Variants in SOS2 observed in about 807,000 individuals in gnomAD.
SOS2 encodes son of sevenless homolog 2.
SOS2 carries 65 observed loss-of-function variants against 148.2 expected under a neutral mutation model. The ratio of observed to expected loss-of-function variants is 0.44; its 90% CI spans 0.36 to 0.54. The LOEUF is 0.54. Among genes scored for constraint, SOS2 ranks in the 20% least tolerant of loss-of-function variants. The probability of loss-of-function intolerance (pLI) is 0.00; values close to 1 mark genes in which losing one functional copy is unlikely to be tolerated. For synonymous variants in SOS2, 539 were observed against 537.1 expected (o/e 1.00, Z -0.05); for missense variants, 1,341 against 1,590.2 (o/e 0.84, Z 2.67).
At chr14:50,201,207 T>C in intron 2 of SOS2, 123 bp from the exon 3 acceptor site, 3 of 892,394 alleles carry the variant, frequency 3.4e-6, no homozygotes, top group Non-Finnish European at 1.7e-6. Context: ...CAATACATTC[T>C]GATTCCTGTA....
intron 20 of SOS2, among the ~76,000 whole-genome samples, chr14:50,130,284 C>T (rs1883824572): frequency 1.3e-5 from 2 of 152,086 alleles, no homozygotes; most frequent in African/African-American, 4.8e-5. Flanking sequence ...AGGTACTAAA[C>T]AAATCTTTGT....
chr14:50,159,603 T>A lies in SOS2; in HGVS notation c.1680A>T (p.Glu560Asp). The A allele has an allele frequency of 6.2e-7, 1 of 1,613,946 alleles. No homozygotes were observed. Among genetic ancestry groups the A allele is most frequent in the South Asian group, 1.1e-5 (1 of 91,070 alleles). Reference sequence around the variant, plus strand: ...TTGGTAATCTCAGTGGTTGCTCATTTTCTTCTTTCAATAATACTGAATCTA... The same window carrying A: ...TTGGTAATCTCAGTGGTTGCTCATTATCTTCTTTCAATAATACTGAATCTA... ...RMLDSVLLKE[E>D]NEQPLRLPSP... Residue 560 changes from glutamate (E) to aspartate (D), a missense_variant, in exon 10 of 23, where the codon GAA becomes GAT. Around this residue, in one of 4 missense-constraint regions of SOS2, gnomAD observed 574 missense variants for 711.1 expected, o/e 0.81. Coordinates refer to ENST00000216373, the MANE Select transcript of SOS2 (RefSeq NM_006939.4).
At chr14:50,126,463 A>G (rs1451022267) in intron 21 of SOS2, among the ~76,000 whole-genome samples, 2 of 152,186 alleles carry the variant, frequency 1.3e-5, no homozygotes, top group African/African-American at 4.8e-5. Context: ...ATCAGATTGT[A>G]CCCCATAAAC....
At chr14:50,228,086 G>C (rs1887433826) in intron 1 of SOS2, among the ~76,000 whole-genome samples, 1 of 150,570 alleles carries the variant, frequency 6.6e-6, no homozygotes, top group African/African-American at 2.4e-5. Context: ...CTGTCGCCCA[G>C]GATGGAGTGC....
intron 4 of SOS2, among the ~76,000 whole-genome samples, chr14:50,198,246 T>G (rs1886375831): frequency 6.6e-6 from 1 of 152,152 alleles, no homozygotes; most frequent in Admixed American, 6.5e-5. Context: ...TGTTCTTGTT[T>G]ATAGGACATA....
chr14:50,130,631 A>T lies in SOS2; in HGVS notation c.3207T>A (p.Ser1069Arg). The change falls in exon 20 of 23, where the codon AGT (serine) becomes AGA (arginine). Residue 1069 changes from serine to arginine, a missense_variant. Ser to Arg is a moderately radical substitution (Grantham distance 110). This residue lies in a region of SOS2 where 354 missense variants were observed against 347.7 expected (regional missense o/e 1.02). Transcript: ENST00000216373. ...LEREPCKISF[S>R]RIAETELEST... is the part of the protein sequence containing the mutation. Reference sequence around the variant, plus strand: ...ATTCCAGCTCAGTTTCAGCAATCCGACTAAAGCTTATTTTACATGGTTCTC... The same window carrying T: ...ATTCCAGCTCAGTTTCAGCAATCCGTCTAAAGCTTATTTTACATGGTTCTC... The T allele has an allele frequency of 6.2e-7, 1 of 1,614,198 alleles. No individual in the cohort carries two copies. Among genetic ancestry groups the T allele is most frequent in the Non-Finnish European group, 8.5e-7 (1 of 1,180,028 alleles).
chr14:50,142,290 G>A (rs1284577779), intron 16 of SOS2, among the ~76,000 whole-genome samples: 1 of 152,138 alleles, frequency 6.6e-6, no homozygotes, highest in African/African-American at 2.4e-5. Context: ...TTACAGGCAT[G>A]AGCCACTGCC....
chr14:50,212,989 C>G (rs1338419218), intron 1 of SOS2, among the ~76,000 whole-genome samples: 3 of 152,222 alleles, frequency 2.0e-5, no homozygotes, highest in African/African-American at 7.2e-5. Context: ...AAAACTTTAT[C>G]TCTCACGTAG....
chr14:50,120,833 G>A (rs189800822), intron 21 of SOS2, among the ~76,000 whole-genome samples: 2,088 of 134,174 alleles, frequency 0.016, 46 homozygotes, highest in Non-Finnish European at 0.017. Context: ...TCCGCCTCCC[G>A]GGTTCAAGCA....
intron 1 of SOS2, among the ~76,000 whole-genome samples, chr14:50,216,564 G>C (rs1887045444): frequency 6.6e-6 from 1 of 151,844 alleles, no homozygotes; most frequent in Admixed American, 6.6e-5. Flanking sequence ...TTTGAGACCA[G>C]GCTGGCCAAC....
At chr14:50,202,056 A>T (rs1449872128) in intron 2 of SOS2, among the ~76,000 whole-genome samples, 1 of 152,156 alleles carries the variant, frequency 6.6e-6, no homozygotes, top group Non-Finnish European at 1.5e-5. Context: ...TCCACTTCCC[A>T]GACTCCAATG....
intron 9 of SOS2, among the ~76,000 whole-genome samples, chr14:50,160,543 C>T (rs940432953): frequency 1.3e-5 from 2 of 151,824 alleles, no homozygotes; most frequent in Non-Finnish European, 2.9e-5. Context: ...CCTGCCACCA[C>T]GCCTGGCTAA....
chr14:50,133,987 A>G (rs1883992278), intron 19 of SOS2, 136 bp downstream of exon 19: 2 of 651,088 alleles, frequency 3.1e-6, no homozygotes, highest in Non-Finnish European at 5.5e-6. Flanking sequence ...CCCCAGTTTT[A>G]GAAATAGTAT....
intron 13 of SOS2, among the ~76,000 whole-genome samples, chr14:50,151,210 T>C (rs1013660800): frequency 6.6e-6 from 1 of 152,202 alleles, no homozygotes; most frequent in African/African-American, 2.4e-5. Context: ...TTGCACATAT[T>C]GCACTGAGTC....
chr14:50,178,647 AGTGT>A (rs1291991897), intron 7 of SOS2, among the ~76,000 whole-genome samples: 4 of 89,214 alleles, frequency 4.5e-5, no homozygotes, highest in African/African-American at 1.4e-4. Flanking sequence ...CATGCCCGCT[AGTGT>A]GTGTGTGTGT....
intron 8 of SOS2, among the ~76,000 whole-genome samples, chr14:50,161,935 G>A (rs1885023924): frequency 6.6e-6 from 1 of 151,308 alleles, no homozygotes; most frequent in African/African-American, 2.4e-5. Flanking sequence ...AATTTCTGTA[G>A]AGACAGGGTC....
chr14:50,178,685 T>C (rs1400087828), intron 7 of SOS2, among the ~76,000 whole-genome samples: 1,361 of 15,850 alleles, frequency 0.086, 60 homozygotes, highest in African/African-American at 0.27. Flanking sequence ...TATATATATA[T>C]ATATATATAT....
chr14:50,228,081 G>A (rs1297051141), intron 1 of SOS2, among the ~76,000 whole-genome samples: 3 of 147,098 alleles, frequency 2.0e-5, no homozygotes, highest in East Asian at 2.0e-4. Flanking sequence ...TCGCTCTGTC[G>A]CCCAGGATGG....
At position 50,118,413 on chromosome 14, in the gene SOS2, G is replaced by T; in HGVS notation, c.3930C>A (p.Tyr1310Ter). ...ATGGGGGGTGCGAAAGCTCCCGTTT[G>T]TAAGTCTTTGGTGGCAGTTTTGGCA... ...PHLPKLPPKT[Y>*]KRELSHPPLY... is the part of the protein sequence containing the mutation. Residue 1310 changes from tyrosine to a stop codon, truncating the protein, a stop_gained, in exon 23 of 23, where the codon TAC becomes TAA. Coordinates refer to ENST00000216373, the MANE Select transcript of SOS2 (RefSeq NM_006939.4). LOFTEE classifies it high-confidence loss of function. The T allele has an allele frequency of 6.2e-7, 1 of 1,614,144 alleles. No individual in the cohort carries two copies. The highest frequency in any genetic ancestry group is 8.5e-7 in the Non-Finnish European group (1 of 1,179,996).
Sources: allele counts gnomAD v4.1 joint callset (sites outside exome capture counted in the v4.1 genomes callset), GRCh38; gene constraint gnomAD v4.1.1; regional missense constraint gnomAD v4.1.1; transcripts MANE v1.5; gene names NCBI Gene and HGNC (gene_info 2026-07-23, HGNC 2026-07-21).